The following CREB5 variants were observed in gnomAD, a reference collection of about 807,000 sequenced individuals.
CREB5 encodes the protein cAMP responsive element binding protein 5.
CREB5 carries 19 observed loss-of-function variants against 57.1 expected under a neutral mutation model. The ratio of observed to expected loss-of-function variants is 0.33; its 90% confidence interval spans 0.23 to 0.49. The LOEUF is 0.49. Ranked by LOEUF, CREB5 falls within the 20% of genes least tolerant of loss-of-function variation. CREB5 has a pLI of 0.99. For synonymous variants in CREB5, 238 were observed against 238.3 expected (o/e 1.00, Z 0.01); for missense variants, 579 against 671.6 (o/e 0.86, Z 1.52).
At chr7:28,779,267 A>G (rs1016136115) in intron 7 of CREB5, 1 of 152,214 alleles carries the variant, frequency 6.6e-6, no homozygotes, top group African/African-American at 2.4e-5. Context: ...TGCCATATCC[A>G]GCTCTGTTTC....
rs1368518820 is a variant in CREB5 at position 28,560,901 on chromosome 7, C to CGTGTGCGCGCGTGCGT, written c.292-9463_292-9462insTGTGCGCGCGTGCGTG. 2.7e-3 allele frequency among the ~76,000 whole-genome samples: 59 copies of CGTGTGCGCGCGTGCGT among 21,662 alleles called. 6 individuals carry two copies. The highest frequency in any genetic ancestry group is 4.6e-3 in the Non-Finnish European group (49 of 10,604). The allele number at this position is 21,662 out of a possible 152,430, so 14.2% of individuals were successfully genotyped here. On this transcript the variant is annotated intron_variant, in intron 4 of 10. Coordinates refer to ENST00000357727, the MANE Select transcript of CREB5 (RefSeq NM_182898.4). ...GTGCGTGCGTGCGTGTGTGTGCGTG[C>CGTGTGCGCGCGTGCGT]GCGCGTGCGTGTGCGTGTGTGCGCG... is the stretch of plus-strand genomic sequence containing the variant.
At chr7:28,720,833 A>G (rs559677108) in intron 6 of CREB5, among the ~76,000 whole-genome samples, 1 of 152,070 alleles carries the variant, frequency 6.6e-6, no homozygotes, top group Non-Finnish European at 1.5e-5. Context: ...AAAAATTATT[A>G]TTTTTTTACA....
At chr7:28,625,051 A>T (rs966414991) in intron 5 of CREB5, among the ~76,000 whole-genome samples, 8 of 150,464 alleles carry the variant, frequency 5.3e-5, no homozygotes, top group Admixed American at 2.0e-4. Flanking sequence ...AAGATAAAAG[A>T]TTTCATAAGC....
chr7:28,374,126 A>G (rs2127994563), intron 1 of CREB5, among the ~76,000 whole-genome samples: 1 of 152,310 alleles, frequency 6.6e-6, no homozygotes, highest in East Asian at 1.9e-4. Flanking sequence ...AGTGCTTTAC[A>G]TTATTAGTCA....
chr7:28,531,759 G>T (rs977317312), intron 4 of CREB5, among the ~76,000 whole-genome samples: 2 of 152,200 alleles, frequency 1.3e-5, no homozygotes, highest in African/African-American at 4.8e-5. Flanking sequence ...AGCCGGGCGT[G>T]GGGGCTCACG....
chr7:28,533,710 T>G (rs566759124), intron 4 of CREB5, among the ~76,000 whole-genome samples: 5 of 152,340 alleles, frequency 3.3e-5, no homozygotes, highest in African/African-American at 1.2e-4. Context: ...AGAGGCTGCC[T>G]CCTCTTCTGT....
At chr7:28,526,412 C>T (rs548185501) in intron 4 of CREB5, among the ~76,000 whole-genome samples, 9 of 152,136 alleles carry the variant, frequency 5.9e-5, no homozygotes, top group Non-Finnish European at 1.2e-4. Flanking sequence ...TGAAGTGAAA[C>T]GTTATCATCT....
At chr7:28,722,991 T>A (rs1254574875) in intron 6 of CREB5, among the ~76,000 whole-genome samples, 2 of 152,238 alleles carry the variant, frequency 1.3e-5, no homozygotes, top group Non-Finnish European at 2.9e-5. Context: ...TTTAGTTCAA[T>A]GAGCCCTCTC....
intron 1 of CREB5, among the ~76,000 whole-genome samples, chr7:28,427,164 A>T (rs79829714): frequency 6.6e-6 from 1 of 152,140 alleles, no homozygotes; most frequent in East Asian, 1.9e-4. Context: ...GGAAAAACTG[A>T]TTTTTCATTT....
intron 1 of CREB5, among the ~76,000 whole-genome samples, chr7:28,353,930 G>A (rs1474524413): frequency 3.9e-5 from 6 of 152,038 alleles, no homozygotes; most frequent in Non-Finnish European, 5.9e-5. Flanking sequence ...GGGTGATGAA[G>A]TGGACACACA....
chr7:28,723,298 A>G (rs1010571822), intron 6 of CREB5, among the ~76,000 whole-genome samples: 1 of 152,186 alleles, frequency 6.6e-6, no homozygotes, highest in African/African-American at 2.4e-5. Flanking sequence ...CAAACGGAAA[A>G]TATTATTAAT....
At chr7:28,696,725 A>G (rs183498338) in intron 5 of CREB5, among the ~76,000 whole-genome samples, 8 of 152,228 alleles carry the variant, frequency 5.3e-5, no homozygotes, top group Admixed American at 1.3e-4. Flanking sequence ...ATATATACAT[A>G]TGTACACATG....
chr7:28,615,385 T>A (rs996719163), intron 5 of CREB5: 1 of 152,172 alleles, frequency 6.6e-6, no homozygotes, highest in Admixed American at 6.6e-5. Flanking sequence ...TCTCTGGGAG[T>A]CAGGAGGAGG....
chr7:28,444,840 A>AG (rs1789362339), intron 1 of CREB5, among the ~76,000 whole-genome samples: 1 of 152,228 alleles, frequency 6.6e-6, no homozygotes, highest in Non-Finnish European at 1.5e-5. Context: ...AAACCATAGC[A>AG]GAGTGGGGAT....
intron 5 of CREB5, among the ~76,000 whole-genome samples, chr7:28,607,371 G>A (rs6944480): frequency 0.015 from 2,240 of 152,244 alleles, 32 homozygotes; most frequent in African/African-American, 0.037. Flanking sequence ...TTGAGTGGGC[G>A]TGAATGAGTG....
At chr7:28,712,542 A>ATTATTATTATTATTATTATTATTATTC in intron 5 of CREB5, among the ~76,000 whole-genome samples, 2 of 148,932 alleles carry the variant, frequency 1.3e-5, no homozygotes, top group African/African-American at 2.5e-5. Flanking sequence ...TATTATTATT[A>ATTATTATTATTATTATTATTATTATTC]TTATTTTCTG....
rs1809805676 is a variant in CREB5 at position 28,822,134 on chromosome 7, T to C, written c.*2855T>C. 6.6e-6 allele frequency: 1 copy of C among 152,224 alleles called. No homozygotes were observed. The allele number at this position is 152,224 out of a possible 1,614,324, so 9.4% of individuals were successfully genotyped here. A position where few individuals can be genotyped will look rare whatever the true frequency, so the allele number is the denominator to read the frequency against. On this transcript the variant is annotated 3_prime_UTR_variant, in exon 11 of 11. Transcript: ENST00000357727. ...TAAGTAGGAAAACCAACCACACACA[T>C]TAGCAAACCGGCCTCAACATATAAT...
At chr7:28,730,883 C>T (rs551226637) in intron 7 of CREB5, among the ~76,000 whole-genome samples, 22 of 152,186 alleles carry the variant, frequency 1.4e-4, no homozygotes, top group South Asian at 1.2e-3. Flanking sequence ...CTATCCCTGG[C>T]GTTCCCATGG....
In CREB5 at chr7:28,461,505, G is replaced by C. The variant is rs373171981; in HGVS notation, c.4-26670G>C. On this transcript the variant is annotated intron_variant, in intron 1 of 10. Transcript: ENST00000357727. ...TTATTTTCCTGCATAAAAGCCTGTT[G>C]GTAGTCATAATTTTCTATTAATTCA... is the stretch of plus-strand genomic sequence containing the variant. Among the ~76,000 whole-genome samples the C allele has an allele frequency of 8.5e-5, 13 of 152,178 alleles. No homozygotes were observed. The East Asian group carries it at 2.5e-3, about 29-fold the overall frequency.
Sources: gnomAD v4.1 joint callset for allele counts (sites outside exome capture counted in the v4.1 genomes callset) on GRCh38, gnomAD v4.1.1 for gene constraint, MANE v1.5 for transcripts, NCBI Gene and HGNC (gene_info 2026-07-23, HGNC 2026-07-21) for gene names.